The following FGF2 variants were observed in gnomAD, a reference collection of about 807,000 sequenced individuals.
The protein encoded by FGF2 is fibroblast growth factor 2, also known as basic fibroblast growth factor bFGF.
FGF2 carries 13 observed loss-of-function variants against 15.9 expected under a neutral mutation model. The observed-to-expected ratio is 0.82, with a 90% CI of 0.53 to 1.30. The LOEUF is 1.30. FGF2 is among the 50% of genes most tolerant of loss of function. The probability of loss-of-function intolerance (pLI) is 0.00; values close to 1 mark genes in which losing one functional copy is unlikely to be tolerated. For synonymous variants in FGF2, 90 were observed against 78.4 expected (o/e 1.15, Z -0.78); for missense variants, 163 against 196.9 (o/e 0.83, Z 1.03).
rs577950644 is a variant in FGF2 at position 122,893,557 on chromosome 4, C to T, written c.*1161C>T. 1.6e-5 allele frequency: 3 copies of T among 191,198 alleles called. No homozygotes were observed. In the East Asian group the frequency reaches 4.0e-4, roughly 25 times the overall value. The allele number at this position is 191,198 out of a possible 1,614,324, so 11.8% of individuals were successfully genotyped here. A position where few individuals can be genotyped will look rare whatever the true frequency, so the allele number is the denominator to read the frequency against. ...AAAAATATAGATTGAAAAGTTAAAA[C>T]ATTTTGCATGGCTGCAGTTCCTTTG... is the stretch of plus-strand genomic sequence containing the variant. On this transcript the variant is annotated 3_prime_UTR_variant, in exon 3 of 3. Coordinates refer to ENST00000644866, the MANE Select transcript of FGF2 (RefSeq NM_001361665.2).
chr4:122,867,903 A>G (rs1726634762), intron 1 of FGF2, among the ~76,000 whole-genome samples: 1 of 152,192 alleles, frequency 6.6e-6, no homozygotes, highest in South Asian at 2.1e-4. Context: ...CTTGCCTTCA[A>G]AGCTATATTG....
Position 122,827,207 on chromosome 4 carries a change from C to T in FGF2, c.33C>T (p.Ala11=). The stretch of plus-strand genomic sequence containing the variant: ...CCGGGAGCATCACCACGCTGCCCGC[C>T]TTGCCCGAGGATGGCGGCAGCGGCG... The part of the protein sequence containing the change: MAAGSITTLP[A]LPEDGGSGAF... The change falls in exon 1 of 3, where the codon GCC becomes GCT. Residue 11 remains alanine (A), a synonymous_variant. Coordinates refer to ENST00000644866, the MANE Select transcript of FGF2 (RefSeq NM_001361665.2). This position sits in a 1 kb window ranked among gnomAD's most constrained non-coding sequence, Gnocchi z 4.2. The T allele has an allele frequency of 1.2e-6, 2 of 1,608,720 alleles. No individual in the cohort carries two copies. Among genetic ancestry groups the T allele is most frequent in the Non-Finnish European group, 1.7e-6 (2 of 1,178,570 alleles).
chr4:122,828,162 A>G (rs1725687922), intron 1 of FGF2, among the ~76,000 whole-genome samples: 1 of 152,222 alleles, frequency 6.6e-6, no homozygotes, highest in East Asian at 1.9e-4. Context: ...TTGTGGTTCT[A>G]GAAAGAACAC....
intron 1 of FGF2, among the ~76,000 whole-genome samples, chr4:122,843,995 G>A (rs183077482): frequency 2.6e-5 from 4 of 152,296 alleles, no homozygotes; most frequent in Non-Finnish European, 2.9e-5. Flanking sequence ...AGACAACAGT[G>A]AAATTTGCGG....
intron 2 of FGF2, chr4:122,883,345 C>T (rs1253215160): frequency 2.0e-5 from 3 of 152,138 alleles, no homozygotes; most frequent in African/African-American, 7.2e-5. Context: ...TTCCCCAACA[C>T]CTTCACATAT....
intron 1 of FGF2, among the ~76,000 whole-genome samples, chr4:122,853,342 A>T (rs965988348): frequency 6.6e-6 from 1 of 152,162 alleles, no homozygotes; most frequent in African/African-American, 2.4e-5. Flanking sequence ...ATTTTTTACT[A>T]TTGTATGCCC....
At chr4:122,884,618 G>T (rs892311788) in intron 2 of FGF2, 1 of 152,128 alleles carries the variant, frequency 6.6e-6, no homozygotes, top group African/African-American at 2.4e-5. Flanking sequence ...CTCAGAAGTG[G>T]TATAAGCAAA....
chr4:122,838,065 A>G (rs1307646037), intron 1 of FGF2, among the ~76,000 whole-genome samples: 2 of 152,184 alleles, frequency 1.3e-5, no homozygotes, highest in African/African-American at 2.4e-5. Context: ...GTTTTAATTG[A>G]GTGTACTAAT....
intron 1 of FGF2, among the ~76,000 whole-genome samples, chr4:122,872,072 C>A (rs565124474): frequency 1.3e-5 from 2 of 152,196 alleles, no homozygotes; most frequent in East Asian, 3.9e-4. Flanking sequence ...TAAAAAACTA[C>A]GCTGAGCTAA....
At chr4:122,849,923 T>C (rs370274789) in intron 1 of FGF2, among the ~76,000 whole-genome samples, 5 of 152,230 alleles carry the variant, frequency 3.3e-5, no homozygotes, top group South Asian at 4.2e-4. Flanking sequence ...TTCCAGAACA[T>C]TGTGTATGTT....
At chr4:122,847,430 C>T (rs985083713) in intron 1 of FGF2, among the ~76,000 whole-genome samples, 2 of 152,072 alleles carry the variant, frequency 1.3e-5, no homozygotes, top group African/African-American at 4.8e-5. Context: ...CTATGAGCAG[C>T]AGTATTCACT....
chr4:122,853,658 C>T (rs77918951), intron 1 of FGF2, among the ~76,000 whole-genome samples: 1 of 61,646 alleles, frequency 1.6e-5, no homozygotes, highest in Non-Finnish European at 2.7e-5. Context: ...CCACACTACT[C>T]CTGCTGCACT....
intron 1 of FGF2, among the ~76,000 whole-genome samples, chr4:122,845,939 A>G (rs1032419351): frequency 1.3e-5 from 2 of 152,234 alleles, no homozygotes; most frequent in South Asian, 2.1e-4. Context: ...CTTTTGACCT[A>G]TCTCGGCTTT....
chr4:122,880,263 T>TG (rs1726934909), intron 2 of FGF2, among the ~76,000 whole-genome samples: 1 of 150,832 alleles, frequency 6.6e-6, no homozygotes, highest in South Asian at 2.1e-4. Flanking sequence ...TTTTTTTTTT[T>TG]TGAGATGGAG....
intron 1 of FGF2, among the ~76,000 whole-genome samples, chr4:122,831,370 C>T (rs545073043): frequency 6.6e-6 from 1 of 152,246 alleles, no homozygotes; most frequent in African/African-American, 2.4e-5. Flanking sequence ...ACGGGTGCCT[C>T]AGGTTGATTT....
intron 1 of FGF2, among the ~76,000 whole-genome samples, chr4:122,876,052 C>T (rs568390478): frequency 3.2e-4 from 48 of 152,138 alleles, no homozygotes; most frequent in African/African-American, 1.1e-3. Context: ...CTCTGCTCAC[C>T]CTGTGACACC....
At chr4:122,888,419 A>G (rs1044371139) in intron 2 of FGF2, among the ~76,000 whole-genome samples, 2 of 152,188 alleles carry the variant, frequency 1.3e-5, no homozygotes, top group Non-Finnish European at 2.9e-5. Context: ...ATGTCAGATC[A>G]TGTTATTTTT....
At position 122,898,054 on chromosome 4, in the gene FGF2, G is replaced by T; in HGVS notation, c.*5658G>T. 5.9e-6 allele frequency: 1 copy of T among 168,510 alleles called. No individual in the cohort carries two copies. The highest frequency in any genetic ancestry group is 1.3e-5 in the Non-Finnish European group (1 of 78,792). 10.4% of individuals were successfully genotyped at this position (168,510 alleles called of 1,614,324 possible). A position where few individuals can be genotyped will look rare whatever the true frequency, so the allele number is the denominator to read the frequency against. On this transcript the variant is annotated 3_prime_UTR_variant, in exon 3 of 3. Coordinates refer to ENST00000644866, the MANE Select transcript of FGF2 (RefSeq NM_001361665.2). ...TTACAGATGCTGCTATAAATAAGTA[G>T]AAAATATAAATTTCATCACTAAAAT... is the stretch of plus-strand genomic sequence containing the variant.
At chr4:122,881,196 T>C (rs1021677329) in intron 2 of FGF2, among the ~76,000 whole-genome samples, 3 of 152,150 alleles carry the variant, frequency 2.0e-5, no homozygotes, top group African/African-American at 7.2e-5. Context: ...TCTGGGCCTG[T>C]GATGGGAAGG....
Sources: allele counts gnomAD v4.1 joint callset (sites outside exome capture counted in the v4.1 genomes callset), GRCh38; gene constraint gnomAD v4.1.1; non-coding constraint Gnocchi (gnomAD v3.1); transcripts MANE v1.5; gene names NCBI Gene and HGNC (gene_info 2026-07-23, HGNC 2026-07-21).